Variants in PRDM5 observed in about 807,000 individuals in gnomAD.
PRDM5 encodes PR/SET domain 5, also known as PR domain zinc finger protein 5.
In PRDM5, 56 loss-of-function variants were observed where a neutral mutation model predicts 81.2. The observed-to-expected ratio is 0.69, with a 90% CI of 0.56 to 0.86. The LOEUF (loss-of-function observed/expected upper bound fraction) is 0.86. Among genes scored for constraint, PRDM5 ranks in the 40% least tolerant of loss-of-function variants. The pLI is 0.00. For synonymous variants in PRDM5, 267 were observed against 256.4 expected (o/e 1.04, Z -0.39); for missense variants, 697 against 770.1 (o/e 0.91, Z 1.12).
At chr4:120,899,328 C>T (rs1268821827) in intron 2 of PRDM5, among the ~76,000 whole-genome samples, 1 of 152,184 alleles carries the variant, frequency 6.6e-6, no homozygotes, top group East Asian at 1.9e-4. Flanking sequence ...TTATCCTCCA[C>T]TCCAATTATG....
In PRDM5 at chr4:120,922,296, C is replaced by T. The variant is rs370967932; in HGVS notation, c.93+220G>A. Among the ~76,000 whole-genome samples the T allele has an allele frequency of 6.9e-4, 105 of 152,202 alleles. 1 individual carries two copies. The highest frequency in any genetic ancestry group is 3.4e-3 in the Middle Eastern group (1 of 292). ...CGGCCGGCAGCGGAGCGCACCCCGC[C>T]GCCACCTACGTGGCGCTGCCTGCTC... On this transcript the variant is annotated intron_variant, in intron 1 of 15. Coordinates refer to ENST00000264808, the MANE Select transcript of PRDM5 (RefSeq NM_018699.4).
intron 13 of PRDM5, among the ~76,000 whole-genome samples, chr4:120,758,100 CAA>C (rs1745047932): frequency 6.6e-6 from 1 of 152,150 alleles, no homozygotes; most frequent in Non-Finnish European, 1.5e-5. Flanking sequence ...TGCAGAACTT[CAA>C]ACTCAGGCTA....
chr4:120,847,664 G>C (rs1191383366), intron 3 of PRDM5, among the ~76,000 whole-genome samples: 1 of 152,094 alleles, frequency 6.6e-6, no homozygotes, highest in Non-Finnish European at 1.5e-5. Flanking sequence ...GTTAAAATTT[G>C]GGGTAAATTT....
At position 120,785,000 on chromosome 4, in the gene PRDM5, T is replaced by TGTC; in HGVS notation, c.1279_1280insGAC (p.Asn427delinsArgHis). Reference sequence around the variant, plus strand: ...CAACTGCCTGAATCGTGACTTACTGTTATGTATTAGCAGGTGTCTCTGTAA... The same window carrying TGTC: ...CAACTGCCTGAATCGTGACTTACTGTGTCTATGTATTAGCAGGTGTCTCTGTAA... On this transcript the variant is annotated protein_altering_variant, in exon 11 of 16. Coordinates refer to ENST00000264808, the MANE Select transcript of PRDM5 (RefSeq NM_018699.4). The TGTC allele has an allele frequency of 6.3e-7, 1 of 1,588,038 alleles. No homozygotes were observed.
At position 120,750,714 on chromosome 4, in the gene PRDM5, A is replaced by ACGCG. The variant is rs1298545496; in HGVS notation, c.1623+3838_1623+3839insCGCG. Among the ~76,000 whole-genome samples the ACGCG allele has an allele frequency of 4.4e-3, 631 of 143,854 alleles. 7 individuals are homozygous for ACGCG. The highest frequency in any genetic ancestry group is 0.015 in the African/African-American group (583 of 39,056). 94.4% of individuals were successfully genotyped at this position (143,854 alleles called of 152,430 possible). On this transcript the variant is annotated intron_variant, in intron 14 of 15. Transcript: ENST00000264808. ...CACACACACACACACACACACACAC[A>ACGCG]CACACGCGCACACAAAACAGACATT...
chr4:120,863,225 C>T (rs888131616), intron 2 of PRDM5, among the ~76,000 whole-genome samples: 19 of 138,714 alleles, frequency 1.4e-4, no homozygotes, highest in Admixed American at 5.9e-4. Flanking sequence ...CACACACACA[C>T]ATATATATGT....
At chr4:120,899,284 A>G (rs555611379) in intron 2 of PRDM5, among the ~76,000 whole-genome samples, 7 of 152,170 alleles carry the variant, frequency 4.6e-5, no homozygotes, top group Non-Finnish European at 1.0e-4. Flanking sequence ...CCTTCTACAC[A>G]GGCTGGAGAC....
At chr4:120,816,748 T>C in intron 6 of PRDM5, 84 bp downstream of exon 6, 1 of 1,517,690 alleles carries the variant, frequency 6.6e-7, no homozygotes, top group Middle Eastern at 1.7e-4. Flanking sequence ...TATGTGAAAC[T>C]GAATTACTAA....
chr4:120,780,220 G>A (rs1481015638), intron 12 of PRDM5, among the ~76,000 whole-genome samples: 1 of 151,780 alleles, frequency 6.6e-6, no homozygotes, highest in Non-Finnish European at 1.5e-5. Context: ...TTTCAGAGGA[G>A]GATAGCTTGA....
chr4:120,782,787 A>C (rs1749228004), intron 11 of PRDM5, among the ~76,000 whole-genome samples: 1 of 152,130 alleles, frequency 6.6e-6, no homozygotes. Context: ...TGTTAATATC[A>C]AATCGATTCA....
At chr4:120,858,008 G>A (rs1187630291) in intron 2 of PRDM5, among the ~76,000 whole-genome samples, 1 of 152,126 alleles carries the variant, frequency 6.6e-6, no homozygotes, top group Non-Finnish European at 1.5e-5. Flanking sequence ...GTAACTGATA[G>A]ATAAAATTTG....
At chr4:120,719,950 T>C (rs1416312731) in intron 14 of PRDM5, among the ~76,000 whole-genome samples, 1 of 140,116 alleles carries the variant, frequency 7.1e-6, no homozygotes, top group African/African-American at 2.6e-5. Context: ...CATGTAAACA[T>C]TGAACCATCT....
At chr4:120,701,706 A>G (rs1348519792) in intron 15 of PRDM5, among the ~76,000 whole-genome samples, 2 of 152,136 alleles carry the variant, frequency 1.3e-5, no homozygotes, top group African/African-American at 4.8e-5. Context: ...TTGAAAAACT[A>G]CTGGGTACTA....
At chr4:120,710,539 G>T (rs1736815451) in intron 14 of PRDM5, 126 bp from the exon 15 acceptor site, 1 of 788,596 alleles carries the variant, frequency 1.3e-6, no homozygotes. Flanking sequence ...TGCTGATATG[G>T]TTTGGCTGTG....
At position 120,723,087 on chromosome 4, in the gene PRDM5, T is replaced by C. The variant is rs77445091; in HGVS notation, c.1624-12674A>G. Among the ~76,000 whole-genome samples, 246 of 152,356 alleles carry C rather than the reference T, an allele frequency of 1.6e-3. 9 individuals carry two copies. The East Asian group carries it at 0.039, about 24-fold the overall frequency. On this transcript the variant is annotated intron_variant, in intron 14 of 15. Coordinates refer to ENST00000264808, the MANE Select transcript of PRDM5 (RefSeq NM_018699.4). ...ACATCTTCCCAATCATTACACCATA[T>C]TCTAATGGCCCTATCCTAGTGACAC...
chr4:120,719,177 C>A (rs1343912236), intron 14 of PRDM5, among the ~76,000 whole-genome samples: 1 of 152,142 alleles, frequency 6.6e-6, no homozygotes, highest in Non-Finnish European at 1.5e-5. Context: ...TACACCCTTC[C>A]CCACTCCATC....
intron 1 of PRDM5, among the ~76,000 whole-genome samples, chr4:120,919,585 G>T (rs1370559891): frequency 2.0e-5 from 3 of 152,070 alleles, no homozygotes; most frequent in African/African-American, 7.2e-5. Context: ...GGAAAAAAAT[G>T]GTCATGAAAC....
chr4:120,793,320 A>C (rs1458908045), intron 10 of PRDM5, among the ~76,000 whole-genome samples: 3 of 152,202 alleles, frequency 2.0e-5, no homozygotes, highest in Non-Finnish European at 4.4e-5. Context: ...CATCACCCCT[A>C]GATGGGACCA....
At chr4:120,922,384 C>CGCCTG in intron 1 of PRDM5, 132 bp downstream of exon 1, 3 of 1,122,484 alleles carry the variant, frequency 2.7e-6, no homozygotes, top group Non-Finnish European at 3.3e-6. Context: ...TTCCCACGGA[C>CGCCTG]GCCTGGCCCG....
Sources: allele counts gnomAD v4.1 joint callset (sites outside exome capture counted in the v4.1 genomes callset), GRCh38; gene constraint gnomAD v4.1.1; transcripts MANE v1.5; gene names NCBI Gene and HGNC (gene_info 2026-07-23, HGNC 2026-07-21).